NTRK2: variants seen among roughly 807,000 people sequenced by gnomAD.
NTRK2 encodes the protein neurotrophic receptor tyrosine kinase 2.
NTRK2 carries 13 observed loss-of-function variants against 94.5 expected under a neutral mutation model. The observed-to-expected ratio is 0.14, with a 90% CI of 0.09 to 0.22. The LOEUF is 0.22. Among genes scored for constraint, NTRK2 ranks in the 10% least tolerant of loss-of-function variants. The pLI is 1.00. For synonymous variants in NTRK2, 372 were observed against 407.4 expected (o/e 0.91, Z 1.05); for missense variants, 639 against 1,071.2 (o/e 0.60, Z 5.63).
At chr9:84,923,068 C>T (rs1399180335) in intron 14 of NTRK2, among the ~76,000 whole-genome samples, 1 of 152,164 alleles carries the variant, frequency 6.6e-6, no homozygotes, top group African/African-American at 2.4e-5. Flanking sequence ...AGACATTGGC[C>T]ATGTATCAGT....
chr9:85,020,707 C>T lies in NTRK2; in HGVS notation c.2331+343C>T, dbSNP rs370956240. On this transcript the variant is annotated intron_variant, in intron 18 of 18. Transcript: ENST00000277120. ...CTTTAGTATTGTTCCAATGAAGTTT[C>T]AAGATTCTTTCCTTTTTGAATATTT... Among the ~76,000 whole-genome samples the T allele has an allele frequency of 9.9e-5, 15 of 152,172 alleles. 1 individual carries two copies. The East Asian group carries it at 1.5e-3, about 16-fold the overall frequency.
intron 12 of NTRK2, among the ~76,000 whole-genome samples, chr9:84,843,627 A>T (rs1353552959): frequency 6.6e-6 from 1 of 152,220 alleles, no homozygotes; most frequent in Non-Finnish European, 1.5e-5. Context: ...CCCTGCCCTC[A>T]GTCAGAGAAC....
At chr9:85,021,223 G>T (rs201425937) in intron 18 of NTRK2, 29 bp from the exon 19 acceptor site, 1 of 1,607,024 alleles carries the variant, frequency 6.2e-7, no homozygotes, top group Non-Finnish European at 8.5e-7. Flanking sequence ...TTTTCCTCCT[G>T]TCTCATCCTA....
intron 12 of NTRK2, among the ~76,000 whole-genome samples, chr9:84,788,536 TAGA>T (rs142292441): frequency 0.016 from 2,420 of 152,296 alleles, 74 homozygotes; most frequent in African/African-American, 0.055. Flanking sequence ...TTGCTTTATG[TAGA>T]AGAAGCCACT....
intron 17 of NTRK2, among the ~76,000 whole-genome samples, chr9:84,974,607 T>G (rs574922940): frequency 1.3e-5 from 2 of 152,324 alleles, no homozygotes; most frequent in African/African-American, 4.8e-5. Context: ...ACATCCTTTA[T>G]TTGTCCAACA....
chr9:84,948,667 G>A (rs1337462261), intron 16 of NTRK2, 33 bp downstream of exon 16: 1 of 1,609,358 alleles, frequency 6.2e-7, no homozygotes, highest in East Asian at 2.2e-5. Context: ...GCTCCAGGAG[G>A]GAGCAGGCCT....
intron 14 of NTRK2, among the ~76,000 whole-genome samples, chr9:84,902,027 C>G (rs1420166674): frequency 6.6e-6 from 1 of 151,900 alleles, no homozygotes; most frequent in Non-Finnish European, 1.5e-5. Flanking sequence ...AACCCTGTCT[C>G]TACTAAAAAT....
At chr9:84,689,473 T>C (rs1246671156) in intron 2 of NTRK2, among the ~76,000 whole-genome samples, 1 of 152,252 alleles carries the variant, frequency 6.6e-6, no homozygotes, top group Admixed American at 6.5e-5. Context: ...GGTTGTTTAT[T>C]AACAGTCCTC....
At chr9:84,987,482 C>G (rs1828468620) in intron 17 of NTRK2, among the ~76,000 whole-genome samples, 1 of 152,162 alleles carries the variant, frequency 6.6e-6, no homozygotes, top group Non-Finnish European at 1.5e-5. Context: ...TCATCCCTTA[C>G]TTTTCCTTTT....
intron 14 of NTRK2, among the ~76,000 whole-genome samples, chr9:84,911,411 A>AT (rs1273412476): frequency 6.6e-6 from 1 of 152,082 alleles, no homozygotes; most frequent in African/African-American, 2.4e-5. Flanking sequence ...AGAATTGGAG[A>AT]TTTTCTCTTG....
chr9:84,842,984 T>G (rs1427315284), intron 12 of NTRK2, among the ~76,000 whole-genome samples: 1 of 152,162 alleles, frequency 6.6e-6, no homozygotes, highest in Non-Finnish European at 1.5e-5. Context: ...TCTTGGCATC[T>G]AAGAGCAAGA....
chr9:84,927,841 GCCTC>G (rs1156528234), intron 14 of NTRK2, among the ~76,000 whole-genome samples: 2 of 152,086 alleles, frequency 1.3e-5, no homozygotes, highest in African/African-American at 4.8e-5. Context: ...GCACCCTGTT[GCCTC>G]CCTATTTCCT....
chr9:84,875,158 T>G, intron 14 of NTRK2: 2 of 1,059,526 alleles, frequency 1.9e-6, no homozygotes, highest in Non-Finnish European at 2.3e-6. Flanking sequence ...TCTGACCATA[T>G]GTGTCCTTGC....
intron 14 of NTRK2, among the ~76,000 whole-genome samples, chr9:84,930,933 G>C (rs910626401): frequency 2.0e-5 from 3 of 152,216 alleles, no homozygotes; most frequent in African/African-American, 4.8e-5. Flanking sequence ...TACAGGCTTA[G>C]AAGAGTTGAC....
chr9:84,755,568 A>G lies in NTRK2; in HGVS notation c.1396+3483A>G, dbSNP rs536674338. Among the ~76,000 whole-genome samples the G allele has an allele frequency of 2.4e-4, 26 of 106,454 alleles. No homozygotes were observed. The South Asian group carries it at 7.1e-3, about 29-fold the overall frequency. The allele number at this position is 106,454 out of a possible 152,430, so 69.8% of individuals were successfully genotyped here. On this transcript the variant is annotated intron_variant, in intron 12 of 18. Coordinates refer to ENST00000277120, the MANE Select transcript of NTRK2 (RefSeq NM_006180.6). ...TTTTTTTTTTTGGTTATTCCATATG[A>G]GTCATGGCCATAGATAAGAGATCAG...
At chr9:84,793,295 C>A (rs200512400) in intron 12 of NTRK2, among the ~76,000 whole-genome samples, 4 of 150,684 alleles carry the variant, frequency 2.7e-5, no homozygotes, top group African/African-American at 7.3e-5. Flanking sequence ...GAAAACAATC[C>A]AAAAAAAAAA....
At chr9:85,018,263 T>C (rs764985324) in intron 17 of NTRK2, among the ~76,000 whole-genome samples, 3 of 152,170 alleles carry the variant, frequency 2.0e-5, no homozygotes, top group Non-Finnish European at 4.4e-5. Context: ...CAGACGTGTA[T>C]AGATGTTTTC....
At chr9:84,955,237 T>G (rs2132968963) in intron 16 of NTRK2, 46 bp from the exon 17 acceptor site, 1 of 1,508,496 alleles carries the variant, frequency 6.6e-7, no homozygotes, top group Admixed American at 1.9e-5. Context: ...GCCCCTGGAG[T>G]GAAAATGCTG....
chr9:85,016,726 A>G (rs991075798), intron 17 of NTRK2, among the ~76,000 whole-genome samples: 3 of 152,156 alleles, frequency 2.0e-5, no homozygotes, highest in Non-Finnish European at 4.4e-5. Flanking sequence ...TGCAAAAGAA[A>G]TGTTCAGAAA....
Sources: allele counts gnomAD v4.1 joint callset (sites outside exome capture counted in the v4.1 genomes callset), GRCh38; gene constraint gnomAD v4.1.1; transcripts MANE v1.5; gene names NCBI Gene and HGNC (gene_info 2026-07-23, HGNC 2026-07-21).